NSUN6: variants seen among roughly 807,000 people sequenced by gnomAD.
NSUN6 encodes tRNA (cytosine(72)-C(5))-methyltransferase NSUN6.
NSUN6 carries 64 observed loss-of-function variants against 58.0 expected under a neutral mutation model. The observed-to-expected ratio is 1.10, with a 90% confidence interval of 0.90 to 1.36. The LOEUF (loss-of-function observed/expected upper bound fraction) is 1.36, where lower values mean the gene tolerates loss of function less well. Ranked by LOEUF, NSUN6 falls within the 40% of genes most tolerant of loss-of-function variation. NSUN6 has a pLI of 0.00. For missense variants in NSUN6, 701 were observed against 550.1 expected, an observed-to-expected ratio of 1.27 and a Z score of -2.74; for synonymous variants, 231 against 193.9, an observed-to-expected ratio of 1.19 and a Z score of -1.59.
At chr10:18,585,282 T>A (rs2057081101) in intron 8 of NSUN6, among the ~76,000 whole-genome samples, 1 of 152,160 alleles carries the variant, frequency 6.6e-6, no homozygotes, top group Non-Finnish European at 1.5e-5. Flanking sequence ...TAAATAGAAC[T>A]ACCAAATTAC....
At chr10:18,627,501 G>A (rs1310985199) in intron 3 of NSUN6, among the ~76,000 whole-genome samples, 1 of 152,160 alleles carries the variant, frequency 6.6e-6, no homozygotes, top group African/African-American at 2.4e-5. Flanking sequence ...CTGAGGTACC[G>A]GGTTCATCTC....
intron 8 of NSUN6, among the ~76,000 whole-genome samples, chr10:18,573,378 T>C (rs1253850026): frequency 6.6e-6 from 1 of 151,488 alleles, no homozygotes; most frequent in Admixed American, 6.6e-5. Flanking sequence ...TTCCTTTCCA[T>C]TCTCCATTCC....
chr10:18,634,392 G>C (rs1215855486), intron 3 of NSUN6, among the ~76,000 whole-genome samples: 1 of 152,054 alleles, frequency 6.6e-6, no homozygotes, highest in Non-Finnish European at 1.5e-5. Flanking sequence ...GCACAGACAA[G>C]ATAAAACTTA....
chr10:18,553,902 G>T (rs1177482967), intron 8 of NSUN6, among the ~76,000 whole-genome samples: 1 of 149,166 alleles, frequency 6.7e-6, no homozygotes, highest in Non-Finnish European at 1.5e-5. Flanking sequence ...ATGAGATGGA[G>T]AATGGAATGG....
At chr10:18,629,684 A>G (rs1441827590) in intron 3 of NSUN6, among the ~76,000 whole-genome samples, 1 of 151,746 alleles carries the variant, frequency 6.6e-6, no homozygotes, top group Non-Finnish European at 1.5e-5. Context: ...TAAAGGGATC[A>G]ATTCAACAAG....
At chr10:18,619,264 G>A (rs77395321) in intron 3 of NSUN6, among the ~76,000 whole-genome samples, 2 of 152,174 alleles carry the variant, frequency 1.3e-5, no homozygotes, top group African/African-American at 2.4e-5. Context: ...CCAGTTTGCA[G>A]GTTCCAATTT....
chr10:18,632,721 C>T (rs546323924), intron 3 of NSUN6, among the ~76,000 whole-genome samples: 6 of 152,106 alleles, frequency 3.9e-5, no homozygotes, highest in African/African-American at 1.4e-4. Context: ...ATCTCACACC[C>T]GTTAGAATGG....
rs559492262 is a variant in NSUN6 at position 18,566,205 on chromosome 10, A to C, written c.923-14234T>G. On this transcript the variant is annotated intron_variant, in intron 8 of 10. Transcript: ENST00000377304. ...TATTCCATTCTCCATTCTTCATTCT[A>C]TTCCATTCTGTAATCCATTCCATTC... is the stretch of plus-strand genomic sequence containing the variant. 7.2e-4 allele frequency among the ~76,000 whole-genome samples: 91 copies of C among 126,200 alleles called. No homozygotes were observed. The South Asian group carries it at 0.011, about 16-fold the overall frequency. 82.8% of individuals were successfully genotyped at this position (126,200 alleles called of 152,430 possible). A position where few individuals can be genotyped will look rare whatever the true frequency, so the allele number is the denominator to read the frequency against.
At chr10:18,571,237 T>G (rs1310126550) in intron 8 of NSUN6, among the ~76,000 whole-genome samples, 4 of 151,534 alleles carry the variant, frequency 2.6e-5, no homozygotes, top group Non-Finnish European at 5.9e-5. Flanking sequence ...CATTCTTCAT[T>G]CCATTCCATT....
chr10:18,655,058 G>C (rs2059763152), upstream of NSUN6: 2 of 981,724 alleles, frequency 2.0e-6, no homozygotes, highest in Non-Finnish European at 2.4e-6. Flanking sequence ...CACGCTTATG[G>C]AACATTGGAA....
chr10:18,562,547 A>T (rs1383853206), intron 8 of NSUN6, among the ~76,000 whole-genome samples: 1 of 151,546 alleles, frequency 6.6e-6, no homozygotes, highest in Non-Finnish European at 1.5e-5. Context: ...AATGGAATAG[A>T]ATGGAATGGA....
At chr10:18,592,336 C>T (rs556470176) in intron 7 of NSUN6, among the ~76,000 whole-genome samples, 94 of 152,226 alleles carry the variant, frequency 6.2e-4, no homozygotes, top group African/African-American at 2.2e-3. Flanking sequence ...CATCAAGCCA[C>T]GATTGTCTTT....
At chr10:18,649,680 T>G (rs2059649209) in intron 1 of NSUN6, among the ~76,000 whole-genome samples, 1 of 152,032 alleles carries the variant, frequency 6.6e-6, no homozygotes, top group African/African-American at 2.4e-5. Flanking sequence ...TTCAGTACTT[T>G]TCACAAAGGC....
rs532793143 is a variant in NSUN6 at position 18,559,523 on chromosome 10, T to C, written c.923-7552A>G. Among the ~76,000 whole-genome samples, 20 of 141,296 alleles carry C rather than the reference T, an allele frequency of 1.4e-4. No individual in the cohort carries two copies. The East Asian group carries it at 3.5e-3, about 25-fold the overall frequency. 92.7% of individuals were successfully genotyped at this position (141,296 alleles called of 152,430 possible). ...GAATGGAGAGTAGAATGGATTGGAA[T>C]GGAACAGAATGGAGAGTGGAGAATA... On this transcript the variant is annotated intron_variant, in intron 8 of 10. Coordinates refer to ENST00000377304, the MANE Select transcript of NSUN6 (RefSeq NM_182543.5).
chr10:18,600,455 T>C (rs957988031), intron 6 of NSUN6, among the ~76,000 whole-genome samples: 6 of 151,776 alleles, frequency 4.0e-5, no homozygotes, highest in African/African-American at 1.5e-4. Flanking sequence ...TGAGACCTCA[T>C]CTCTATAAAA....
At chr10:18,604,353 A>T (rs888661338) in intron 6 of NSUN6, among the ~76,000 whole-genome samples, 2 of 152,194 alleles carry the variant, frequency 1.3e-5, no homozygotes, top group Non-Finnish European at 2.9e-5. Flanking sequence ...TCATGCAAAA[A>T]ATCCAGCAGC....
intron 3 of NSUN6, among the ~76,000 whole-genome samples, chr10:18,641,934 G>T (rs192219778): frequency 1.1e-3 from 172 of 152,150 alleles, no homozygotes; most frequent in African/African-American, 3.8e-3. Context: ...CAGGTGCAGT[G>T]GTGCGCAACT....
intron 9 of NSUN6, among the ~76,000 whole-genome samples, chr10:18,548,588 T>A (rs1321954070): frequency 6.6e-6 from 1 of 152,202 alleles, no homozygotes; most frequent in Non-Finnish European, 1.5e-5. Flanking sequence ...TCAGTTGGCT[T>A]CTTAACATTT....
In NSUN6 at chr10:18,616,299, A is replaced by C. The variant is rs1392659118; in HGVS notation, c.312-6T>G. On this transcript the variant is annotated splice_region_variant and splice_polypyrimidine_tract_variant and intron_variant, in intron 3 of 10. Transcript: ENST00000377304. Reference sequence around the variant, plus strand: ...GTTGTTTTTTAATATTCTTTCTAGAAATGTAAGACACAAGAAGTTTAATAG... The same window carrying C: ...GTTGTTTTTTAATATTCTTTCTAGACATGTAAGACACAAGAAGTTTAATAG... 6.4e-7 allele frequency: 1 copy of C among 1,552,524 alleles called. No individual in the cohort carries two copies. The highest frequency in any genetic ancestry group is 1.4e-5 in the African/African-American group (1 of 73,648).
Sources: gnomAD v4.1 joint callset for allele counts (sites outside exome capture counted in the v4.1 genomes callset) on GRCh38, gnomAD v4.1.1 for gene constraint, MANE v1.5 for transcripts, NCBI Gene and HGNC (gene_info 2026-07-23, HGNC 2026-07-21) for gene names.